Variants in KCNAB1 observed in about 807,000 individuals in gnomAD.
KCNAB1 encodes the protein voltage-gated potassium channel subunit beta-1.
In KCNAB1, 35 loss-of-function variants were observed where a neutral mutation model predicts 64.6. That is an observed-to-expected ratio of 0.54 (90% CI 0.41 to 0.72). KCNAB1 has a LOEUF of 0.72. Ranked by LOEUF, KCNAB1 falls within the 30% of genes least tolerant of loss-of-function variation. The pLI, the probability that KCNAB1 is intolerant of heterozygous loss-of-function variation, is 0.00. For synonymous variants in KCNAB1, 177 were observed against 183.8 expected, an observed-to-expected ratio of 0.96 and a Z score of 0.30; for missense variants, 401 against 512.9, an observed-to-expected ratio of 0.78 and a Z score of 2.11.
At chr3:156,412,720 C>G (rs1714758256) in intron 1 of KCNAB1, among the ~76,000 whole-genome samples, 1 of 151,962 alleles carries the variant, frequency 6.6e-6, no homozygotes, top group African/African-American at 2.4e-5. Context: ...AATCTAGAGG[C>G]AGAAGAGCAG....
rs76958418 is a variant in KCNAB1 at position 156,194,724 on chromosome 3, A to G, written c.275+73838A>G. On this transcript the variant is annotated intron_variant, in intron 1 of 13. Coordinates refer to ENST00000490337, the MANE Select transcript of KCNAB1 (RefSeq NM_172160.3). Reference sequence around the variant, plus strand: ...ATTATACATATATTAAGCTACTTGAATTATCCAACACCTCGCTTATGCTCT... The same window carrying G: ...ATTATACATATATTAAGCTACTTGAGTTATCCAACACCTCGCTTATGCTCT... Among the ~76,000 whole-genome samples, 580 of 152,260 alleles carry G rather than the reference A, an allele frequency of 3.8e-3. 4 individuals are homozygous for G. Among genetic ancestry groups the G allele is most frequent in the African/African-American group, 0.013 (551 of 41,556 alleles).
At chr3:156,490,485 T>G (rs1041293767) in intron 8 of KCNAB1, among the ~76,000 whole-genome samples, 1 of 151,916 alleles carries the variant, frequency 6.6e-6, no homozygotes. Flanking sequence ...TATAATATAC[T>G]TGGTGATATA....
intron 1 of KCNAB1, among the ~76,000 whole-genome samples, chr3:156,265,747 C>A (rs1488327308): frequency 1.3e-5 from 2 of 152,200 alleles, no homozygotes; most frequent in African/African-American, 2.4e-5. Context: ...GTAATCCCAG[C>A]ACTTTGGGAG....
intron 1 of KCNAB1, among the ~76,000 whole-genome samples, chr3:156,408,074 T>C (rs899079732): frequency 1.3e-5 from 2 of 150,876 alleles, no homozygotes; most frequent in Admixed American, 6.6e-5. Flanking sequence ...CGGGCGGTGG[T>C]GGCGGGACAC....
At chr3:156,274,440 C>A (rs1489229163) in intron 1 of KCNAB1, among the ~76,000 whole-genome samples, 1 of 152,130 alleles carries the variant, frequency 6.6e-6, no homozygotes, top group African/African-American at 2.4e-5. Flanking sequence ...TTTCATTTGA[C>A]TTACAAGAGT....
At chr3:156,383,022 T>C (rs1450504765) in intron 1 of KCNAB1, among the ~76,000 whole-genome samples, 2 of 152,172 alleles carry the variant, frequency 1.3e-5, no homozygotes, top group Non-Finnish European at 2.9e-5. Context: ...GTCTGAACTT[T>C]GTTGGTTCTG....
At chr3:156,142,916 A>T in intron 1 of KCNAB1, 1 of 969,352 alleles carries the variant, frequency 1.0e-6, no homozygotes, top group Admixed American at 5.0e-5. Flanking sequence ...GACTCTGAGT[A>T]CTTTAAAGGG....
At chr3:156,425,324 A>G (rs1246245885) in intron 2 of KCNAB1, among the ~76,000 whole-genome samples, 1 of 152,244 alleles carries the variant, frequency 6.6e-6, no homozygotes, top group African/African-American at 2.4e-5. Context: ...TTGCCCTGAC[A>G]ATTTTCCTTT....
intron 1 of KCNAB1, among the ~76,000 whole-genome samples, chr3:156,283,985 C>G (rs1018932882): frequency 4.6e-5 from 7 of 152,024 alleles, no homozygotes; most frequent in African/African-American, 1.7e-4. Context: ...CATTCTCCAT[C>G]CAGCTTTGTT....
At chr3:156,329,755 A>T (rs1169706600) in intron 1 of KCNAB1, among the ~76,000 whole-genome samples, 1 of 152,160 alleles carries the variant, frequency 6.6e-6, no homozygotes, top group Non-Finnish European at 1.5e-5. Flanking sequence ...CATCCAATAG[A>T]AGATGGTAGA....
chr3:156,405,687 CT>C (rs1451855226), intron 1 of KCNAB1, among the ~76,000 whole-genome samples: 2 of 151,978 alleles, frequency 1.3e-5, no homozygotes, highest in Non-Finnish European at 2.9e-5. Flanking sequence ...TTTTATCTTG[CT>C]TTTTTTCATT....
At chr3:156,255,224 T>A (rs891516117) in intron 1 of KCNAB1, among the ~76,000 whole-genome samples, 1 of 152,188 alleles carries the variant, frequency 6.6e-6, no homozygotes, top group African/African-American at 2.4e-5. Context: ...ATTTCCATTA[T>A]CCAAGAGGGT....
intron 11 of KCNAB1, among the ~76,000 whole-genome samples, chr3:156,522,948 G>A (rs1032771083): frequency 6.6e-6 from 1 of 152,162 alleles, no homozygotes; most frequent in Admixed American, 6.5e-5. Context: ...CTTTTCCCCT[G>A]GGTGTTGCTG....
chr3:156,177,308 C>T (rs1712444626), intron 1 of KCNAB1, among the ~76,000 whole-genome samples: 1 of 152,130 alleles, frequency 6.6e-6, no homozygotes, highest in African/African-American at 2.4e-5. Flanking sequence ...GCTCACTATA[C>T]CCAGACACTT....
At chr3:156,475,796 T>C (rs1440832262) in intron 8 of KCNAB1, among the ~76,000 whole-genome samples, 2 of 152,174 alleles carry the variant, frequency 1.3e-5, no homozygotes, top group African/African-American at 4.8e-5. Context: ...AAAGTATAAA[T>C]GATTGACATA....
At position 156,465,987 on chromosome 3, in the gene KCNAB1, A is replaced by G. The variant is rs528769912; in HGVS notation, c.571+301A>G. Among the ~76,000 whole-genome samples the G allele has an allele frequency of 2.2e-4, 33 of 152,334 alleles. No homozygotes were observed. The South Asian group carries it at 6.8e-3, about 32-fold the overall frequency. On this transcript the variant is annotated intron_variant, in intron 7 of 13. Coordinates refer to ENST00000490337, the MANE Select transcript of KCNAB1 (RefSeq NM_172160.3). Reference sequence around the variant, plus strand: ...AGCTTTATTGAGATATAATGTACGTATCATGAAAGTTTACCCATTTAAAGT... The same window carrying G: ...AGCTTTATTGAGATATAATGTACGTGTCATGAAAGTTTACCCATTTAAAGT...
Position 156,516,314 on chromosome 3 carries a change from T to A in KCNAB1, c.910T>A (p.Ser304Thr). The A allele has an allele frequency of 6.2e-7, 1 of 1,614,126 alleles. No individual in the cohort carries two copies. The highest frequency in any genetic ancestry group is 8.5e-7 in the Non-Finnish European group (1 of 1,179,952). ...TWSPLACGII[S>T]GKYGNGVPES... ...GTCTCCACTTGCCTGTGGAATCATCTCAGGAAAATACGGAAACGGGGTGCC... is the reference window on the plus strand; with the variant it reads ...GTCTCCACTTGCCTGTGGAATCATCACAGGAAAATACGGAAACGGGGTGCC... The change falls in exon 11 of 14, where the codon TCA (serine) becomes ACA (threonine). Residue 304 changes from serine to threonine, a missense_variant. Transcript: ENST00000490337.
At chr3:156,492,942 GC>G (rs1183154106) in intron 8 of KCNAB1, among the ~76,000 whole-genome samples, 1 of 152,126 alleles carries the variant, frequency 6.6e-6, no homozygotes, top group East Asian at 1.9e-4. Context: ...AGGGACTGCT[GC>G]TTTTTGTTAC....
intron 1 of KCNAB1, among the ~76,000 whole-genome samples, chr3:156,252,920 GACCTTAGGC>G (rs1222402671): frequency 1.3e-5 from 2 of 152,170 alleles, no homozygotes; most frequent in African/African-American, 4.8e-5. Flanking sequence ...TCTTTCAAAT[GACCTTAGGC>G]ATTCTTTCCT....
Sources: gnomAD v4.1 joint callset for allele counts (sites outside exome capture counted in the v4.1 genomes callset) on GRCh38, gnomAD v4.1.1 for gene constraint, MANE v1.5 for transcripts, NCBI Gene and HGNC (gene_info 2026-07-23, HGNC 2026-07-21) for gene names.